Variants in CUBN observed in about 807,000 individuals in gnomAD.
CUBN encodes the protein 460 kDa receptor.
In CUBN, 282 loss-of-function variants were observed where a neutral mutation model predicts 405.3. That is an observed-to-expected ratio of 0.70 (90% confidence interval 0.63 to 0.77). The LOEUF (loss-of-function observed/expected upper bound fraction) is 0.77, where lower values mean the gene tolerates loss of function less well. CUBN is among the 30% of genes least tolerant of loss of function. The pLI, the probability that CUBN is intolerant of heterozygous loss-of-function variation, is 0.00. For missense variants in CUBN, 4,514 were observed against 4,475.2 expected (o/e 1.01, Z -0.25); for synonymous variants, 1,684 against 1,617.0 (o/e 1.04, Z -0.99).
At chr10:17,052,759 CAAAAAAAAA>C (rs10574636) in intron 22 of CUBN, among the ~76,000 whole-genome samples, 44 of 55,104 alleles carry the variant, frequency 8.0e-4, no homozygotes, top group African/African-American at 2.6e-3. Flanking sequence ...GACTCAGTCT[CAAAAAAAAA>C]AAAAAAAAAA....
intron 28 of CUBN, among the ~76,000 whole-genome samples, chr10:17,000,708 G>GAA (rs1409114030): frequency 6.6e-6 from 1 of 152,206 alleles, no homozygotes; most frequent in Admixed American, 6.5e-5. Flanking sequence ...CACGGCCTTT[G>GAA]AGTTTGACAT....
At chr10:16,966,217 A>C (rs1390339593) in intron 31 of CUBN, among the ~76,000 whole-genome samples, 1 of 152,222 alleles carries the variant, frequency 6.6e-6, no homozygotes, top group Non-Finnish European at 1.5e-5. Flanking sequence ...TCTGTCCTGC[A>C]TTCCATTCCA....
intron 31 of CUBN, chr10:16,966,048 A>G: frequency 2.1e-6 from 1 of 468,044 alleles, no homozygotes; most frequent in South Asian, 1.6e-5. Context: ...CTGTGAAGCT[A>G]AGTGAGATAT....
intron 31 of CUBN, among the ~76,000 whole-genome samples, chr10:16,973,296 T>C (rs921543882): frequency 7.9e-5 from 12 of 152,156 alleles, no homozygotes; most frequent in Admixed American, 3.9e-4. Context: ...TCGCCTCCAG[T>C]GTGAACGCTT....
intron 7 of CUBN, among the ~76,000 whole-genome samples, chr10:17,115,152 G>A (rs560956848): frequency 9.3e-5 from 14 of 150,330 alleles, no homozygotes; most frequent in East Asian, 3.9e-4. Flanking sequence ...GCTGAGTCAC[G>A]AGAATTGCTT....
At chr10:16,992,097 T>G (rs1415391001) in intron 28 of CUBN, among the ~76,000 whole-genome samples, 6 of 152,192 alleles carry the variant, frequency 3.9e-5, no homozygotes, top group African/African-American at 1.2e-4. Flanking sequence ...TTTAGGGACA[T>G]GGATGAAGCT....
At position 16,998,132 on chromosome 10, in the gene CUBN, G is replaced by A. The variant is rs1043591373; in HGVS notation, c.4169-7617C>T. Among the ~76,000 whole-genome samples, 4 of 152,234 alleles carry A rather than the reference G, an allele frequency of 2.6e-5. No homozygotes were observed. In the South Asian group the frequency reaches 8.4e-4, roughly 32 times the overall value. On this transcript the variant is annotated intron_variant, in intron 28 of 66. Coordinates refer to ENST00000377833, the MANE Select transcript of CUBN (RefSeq NM_001081.4). ...GACAAAACATCGTGACTCCAGGAGA[G>A]GAGAGAGTTGTCCCTGTATTGGGTT...
At position 17,046,036 on chromosome 10, in the gene CUBN, G is replaced by T. The variant is rs775982036; in HGVS notation, c.3388C>A (p.Pro1130Thr). ...TTGTTACTATGAGAGATGATTGTTG[G>T]GGGTAGATTTGAGCCATAGAATATT... is the stretch of plus-strand genomic sequence containing the variant. The part of the protein sequence containing the change: ...LGIFYGSNLP[P>T]TIISHSNKLW... The change falls in exon 24 of 67, where the codon CCA (proline) becomes ACA (threonine). Residue 1130 changes from proline to threonine, a missense_variant. Around this residue, in one of 5 missense-constraint regions of CUBN, gnomAD observed 1,448 missense variants for 1,388.0 expected, o/e 1.04. Coordinates refer to ENST00000377833, the MANE Select transcript of CUBN (RefSeq NM_001081.4). The T allele has an allele frequency of 6.2e-7, 1 of 1,613,694 alleles. No individual in the cohort carries two copies. The highest frequency in any genetic ancestry group is 1.3e-5 in the African/African-American group (1 of 75,002).
At position 16,915,087 on chromosome 10, in the gene CUBN, T is replaced by G; in HGVS notation, c.7296A>C (p.Thr2432=). ...ATCCTGAGGCAGTCACAGAGCCGTC[T>G]GTGACAAACCTGACCACAGCAGTAT... ...SSNTAVVRFV[T]DGSVTASGFR... is the part of the protein sequence containing the mutation. Residue 2432 remains threonine (T), a synonymous_variant, in exon 47 of 67, where the codon ACA becomes ACC. Transcript: ENST00000377833. 1.2e-6 allele frequency: 2 copies of G among 1,614,182 alleles called. No individual in the cohort carries two copies. The highest frequency in any genetic ancestry group is 1.7e-6 in the Non-Finnish European group (2 of 1,180,032).
intron 31 of CUBN, among the ~76,000 whole-genome samples, chr10:16,977,060 TG>T (rs1444443841): frequency 2.0e-5 from 3 of 152,202 alleles, no homozygotes; most frequent in African/African-American, 7.2e-5. Context: ...TTAGTGGATT[TG>T]TTTCTATTGT....
At chr10:16,922,628 C>T (rs1363458315) in intron 43 of CUBN, among the ~76,000 whole-genome samples, 1 of 152,112 alleles carries the variant, frequency 6.6e-6, no homozygotes, top group Non-Finnish European at 1.5e-5. Context: ...TTATGTTTAT[C>T]TCTTTTTGAC....
chr10:16,829,243 C>G (rs1425907483), intron 65 of CUBN, among the ~76,000 whole-genome samples: 1 of 151,898 alleles, frequency 6.6e-6, no homozygotes, highest in African/African-American at 2.4e-5. Context: ...ACCTCCACCT[C>G]TTCCATCCTC....
intron 59 of CUBN, among the ~76,000 whole-genome samples, chr10:16,854,322 A>G (rs1304650930): frequency 2.0e-5 from 3 of 152,210 alleles, no homozygotes; most frequent in Non-Finnish European, 4.4e-5. Context: ...GGAAAACAGG[A>G]TGGGGTCTTC....
intron 17 of CUBN, among the ~76,000 whole-genome samples, chr10:17,083,325 G>A (rs1241292653): frequency 5.3e-5 from 8 of 151,968 alleles, no homozygotes; most frequent in African/African-American, 1.2e-4. Context: ...GCCCATCATG[G>A]AGAAATCTCA....
intron 26 of CUBN, 61 bp downstream of exon 26, chr10:17,043,766 T>C: frequency 6.2e-7 from 1 of 1,604,056 alleles, no homozygotes; most frequent in East Asian, 2.2e-5. Context: ...ACACTTACTC[T>C]GCTGGTATTC....
At chr10:16,923,005 A>T (rs1482313826) in intron 43 of CUBN, among the ~76,000 whole-genome samples, 1 of 151,950 alleles carries the variant, frequency 6.6e-6, no homozygotes, top group African/African-American at 2.4e-5. Context: ...GTGCGCCACC[A>T]TGTTCAGCTA....
chr10:17,053,658 C>T (rs994757112), intron 22 of CUBN, among the ~76,000 whole-genome samples: 8 of 151,884 alleles, frequency 5.3e-5, no homozygotes, highest in African/African-American at 7.3e-5. Flanking sequence ...TCTCAGTAAC[C>T]GAAAATGAAA....
chr10:16,971,024 A>C (rs1480313035), intron 31 of CUBN, among the ~76,000 whole-genome samples: 1 of 152,214 alleles, frequency 6.6e-6, no homozygotes, highest in Non-Finnish European at 1.5e-5. Context: ...TTGTTATAGA[A>C]GTTTTGAAAA....
At chr10:17,087,485 T>TA (rs1467424208) in intron 15 of CUBN, among the ~76,000 whole-genome samples, 5 of 131,588 alleles carry the variant, frequency 3.8e-5, no homozygotes, top group African/African-American at 1.3e-4. Context: ...TTTTTTTTTT[T>TA]TTTTTTTTTA....
Sources: allele counts gnomAD v4.1 joint callset (sites outside exome capture counted in the v4.1 genomes callset), GRCh38; gene constraint gnomAD v4.1.1; regional missense constraint gnomAD v4.1.1; transcripts MANE v1.5; gene names NCBI Gene and HGNC (gene_info 2026-07-23, HGNC 2026-07-21).